The following ATG10 variants were observed in gnomAD, a reference collection of about 807,000 sequenced individuals.
The protein encoded by ATG10 is ubiquitin-like-conjugating enzyme ATG10.
A neutral mutation model predicts 32.1 loss-of-function variants in ATG10; 30 were observed. The observed-to-expected ratio is 0.94, with a 90% CI of 0.70 to 1.27. The LOEUF is 1.27. Among genes scored for constraint, ATG10 ranks in the 50% most tolerant of loss-of-function variants. The pLI, the probability that ATG10 is intolerant of heterozygous loss-of-function variation, is 0.00. For missense variants in ATG10, 233 were observed against 262.3 expected (o/e 0.89, Z 0.77); for synonymous variants, 87 against 91.5 (o/e 0.95, Z 0.28).
intron 3 of ATG10, among the ~76,000 whole-genome samples, chr5:82,146,222 G>T (rs887271757): frequency 1.3e-5 from 2 of 151,940 alleles, no homozygotes; most frequent in African/African-American, 4.8e-5. Flanking sequence ...ACCAGATATA[G>T]AATTTTTTAA....
chr5:82,151,162 C>G (rs950705979), intron 3 of ATG10, among the ~76,000 whole-genome samples: 4 of 152,126 alleles, frequency 2.6e-5, no homozygotes, highest in African/African-American at 9.7e-5. Flanking sequence ...TTTATATTTA[C>G]TTTGATTTTG....
chr5:81,973,564 A>C (rs778248801), intron 1 of ATG10, among the ~76,000 whole-genome samples: 14 of 152,222 alleles, frequency 9.2e-5, no homozygotes, highest in Non-Finnish European at 2.1e-4. Flanking sequence ...TCTTTGTCAC[A>C]GGTTCATTTT....
intron 1 of ATG10, among the ~76,000 whole-genome samples, chr5:81,985,051 C>G (rs1052840604): frequency 2.0e-5 from 3 of 152,118 alleles, no homozygotes; most frequent in Non-Finnish European, 2.9e-5. Context: ...AGTCATCTTG[C>G]TTGTAGCACA....
intron 3 of ATG10, among the ~76,000 whole-genome samples, chr5:82,148,485 T>C (rs1293063119): frequency 1.3e-5 from 2 of 152,202 alleles, no homozygotes; most frequent in South Asian, 2.1e-4. Context: ...TCCTCATTTC[T>C]TTTTCTCTAC....
At chr5:82,212,592 T>A (rs533927229) in intron 5 of ATG10, among the ~76,000 whole-genome samples, 3 of 152,310 alleles carry the variant, frequency 2.0e-5, no homozygotes, top group Admixed American at 2.0e-4. Flanking sequence ...AAACCTACCA[T>A]ATTGGCAAAG....
At chr5:82,032,031 A>G (rs2149716458) in intron 2 of ATG10, among the ~76,000 whole-genome samples, 1 of 152,352 alleles carries the variant, frequency 6.6e-6, no homozygotes, top group South Asian at 2.1e-4. Flanking sequence ...CAGAGTATGT[A>G]GCCAAAAGTC....
intron 3 of ATG10, among the ~76,000 whole-genome samples, chr5:82,066,936 A>G (rs1421010876): frequency 6.6e-6 from 1 of 152,208 alleles, no homozygotes; most frequent in Non-Finnish European, 1.5e-5. Context: ...ACTAAGAAGC[A>G]TGATTACCTC....
At chr5:82,156,838 C>T (rs1183020877) in intron 3 of ATG10, among the ~76,000 whole-genome samples, 12 of 152,170 alleles carry the variant, frequency 7.9e-5, no homozygotes. Context: ...TGCGATTAAG[C>T]ATTATTACTA....
chr5:82,219,103 A>G (rs1245579687), intron 5 of ATG10, among the ~76,000 whole-genome samples: 2 of 152,242 alleles, frequency 1.3e-5, no homozygotes, highest in African/African-American at 4.8e-5. Context: ...CAAGGAAAGC[A>G]TATGAAGAGT....
At chr5:82,159,198 A>G (rs964524189) in intron 3 of ATG10, among the ~76,000 whole-genome samples, 1 of 152,210 alleles carries the variant, frequency 6.6e-6, no homozygotes, top group African/African-American at 2.4e-5. Flanking sequence ...TAGTGTCTAC[A>G]GCATGGATAC....
chr5:82,068,171 T>C (rs1051690775), intron 3 of ATG10, among the ~76,000 whole-genome samples: 3 of 152,234 alleles, frequency 2.0e-5, no homozygotes, highest in South Asian at 2.1e-4. Context: ...AACGATAGAC[T>C]GGATAAAGAA....
At chr5:82,224,118 G>A (rs1296560030) in intron 5 of ATG10, among the ~76,000 whole-genome samples, 1 of 152,168 alleles carries the variant, frequency 6.6e-6, no homozygotes, top group African/African-American at 2.4e-5. Flanking sequence ...TGTTGTGTTT[G>A]CTGCTATGTA....
At chr5:82,029,017 G>A (rs886781246) in intron 2 of ATG10, among the ~76,000 whole-genome samples, 1 of 152,158 alleles carries the variant, frequency 6.6e-6, no homozygotes, top group African/African-American at 2.4e-5. Flanking sequence ...ACGTAAGGAA[G>A]AGATACATTA....
intron 3 of ATG10, among the ~76,000 whole-genome samples, chr5:82,087,759 G>C (rs1199527483): frequency 6.6e-6 from 1 of 151,978 alleles, no homozygotes; most frequent in Non-Finnish European, 1.5e-5. Context: ...GTGGTACAGG[G>C]CTGATATCCT....
At chr5:82,084,840 C>T (rs1413548292) in intron 3 of ATG10, among the ~76,000 whole-genome samples, 3 of 152,118 alleles carry the variant, frequency 2.0e-5, no homozygotes, top group Admixed American at 6.5e-5. Flanking sequence ...AAGCATTAAA[C>T]ATGGAAAGGA....
At position 82,082,220 on chromosome 5, in the gene ATG10, C is replaced by G. The variant is rs534414852; in HGVS notation, c.216+23618C>G. Among the ~76,000 whole-genome samples the G allele has an allele frequency of 1.3e-4, 20 of 152,246 alleles. No homozygotes were observed. The South Asian group carries it at 4.2e-3, about 32-fold the overall frequency. On this transcript the variant is annotated intron_variant, in intron 3 of 7. Coordinates refer to ENST00000282185, the MANE Select transcript of ATG10 (RefSeq NM_031482.5). Reference sequence around the variant, plus strand: ...TTCTTGATAGACTTTAGCTCCTGCCCTCTAAACATCTGTCATATGAAGATA... The same window carrying G: ...TTCTTGATAGACTTTAGCTCCTGCCGTCTAAACATCTGTCATATGAAGATA...
chr5:82,044,933 C>T (rs1307891492), intron 2 of ATG10, among the ~76,000 whole-genome samples: 1 of 152,174 alleles, frequency 6.6e-6, no homozygotes, highest in East Asian at 1.9e-4. Context: ...CAGTGCCTCC[C>T]TTGTACTCTG....
chr5:82,092,613 A>G (rs1764929478), intron 3 of ATG10, among the ~76,000 whole-genome samples: 1 of 152,140 alleles, frequency 6.6e-6, no homozygotes, highest in Admixed American at 6.6e-5. Flanking sequence ...CTTACCATTC[A>G]ACTGGGTAGC....
intron 3 of ATG10, among the ~76,000 whole-genome samples, chr5:82,094,975 C>T (rs1434740475): frequency 6.6e-6 from 1 of 152,016 alleles, no homozygotes; most frequent in African/African-American, 2.4e-5. Flanking sequence ...TAATATTCCT[C>T]TGGGAAGTAG....
Sources: gnomAD v4.1 joint callset for allele counts (sites outside exome capture counted in the v4.1 genomes callset) on GRCh38, gnomAD v4.1.1 for gene constraint, MANE v1.5 for transcripts, NCBI Gene and HGNC (gene_info 2026-07-23, HGNC 2026-07-21) for gene names.